Variants in ADGRE1 observed in about 807,000 individuals in gnomAD.
ADGRE1 encodes adhesion G protein-coupled receptor E1.
A neutral mutation model predicts 102.7 loss-of-function variants in ADGRE1; 82 were observed. That is an observed-to-expected ratio of 0.80 (90% CI 0.67 to 0.96). ADGRE1 has a LOEUF of 0.96. Among genes scored for constraint, ADGRE1 ranks in the 40% least tolerant of loss-of-function variants. The pLI, the probability that ADGRE1 is intolerant of heterozygous loss-of-function variation, is 0.00. For missense variants in ADGRE1, 1,032 were observed against 1,085.3 expected, an observed-to-expected ratio of 0.95 and a Z score of 0.69; for synonymous variants, 398 against 399.6, an observed-to-expected ratio of 1.00 and a Z score of 0.05.
At chr19:6,915,220 C>A (rs1974330943) in intron 11 of ADGRE1, among the ~76,000 whole-genome samples, 2 of 151,988 alleles carry the variant, frequency 1.3e-5, no homozygotes, top group Non-Finnish European at 2.9e-5. Flanking sequence ...GTTGCCCACG[C>A]TGGTCTTGAA....
chr19:6,903,726 C>G, intron 6 of ADGRE1, 84 bp from the exon 7 acceptor site: 1 of 1,555,348 alleles, frequency 6.4e-7, no homozygotes, highest in Non-Finnish European at 8.8e-7. Context: ...TCTAGTGAAA[C>G]ATGACTCCAT....
intron 11 of ADGRE1, among the ~76,000 whole-genome samples, chr19:6,915,780 G>T (rs1391169296): frequency 6.6e-6 from 1 of 151,934 alleles, no homozygotes; most frequent in Non-Finnish European, 1.5e-5. Flanking sequence ...AATTAGCTGG[G>T]TGTGGTGGTA....
chr19:6,903,901 A>G lies in ADGRE1; in HGVS notation c.753A>G (p.Ala251=). ...SYFCTCHPGF[A]PSNGQLNFTD... ...TTTGCACCTGCCACCCTGGCTTTGCACCAAGCAATGGACAGTTGAATTTCA... is the reference window on the plus strand; with the variant it reads ...TTTGCACCTGCCACCCTGGCTTTGCGCCAAGCAATGGACAGTTGAATTTCA... The change falls in exon 7 of 21, where the codon GCA becomes GCG. Residue 251 remains alanine (A), a synonymous_variant. Coordinates refer to ENST00000312053, the MANE Select transcript of ADGRE1 (RefSeq NM_001974.5). 1.2e-6 allele frequency: 2 copies of G among 1,614,218 alleles called. No homozygotes were observed. The highest frequency in any genetic ancestry group is 1.7e-6 in the Non-Finnish European group (2 of 1,180,044).
rs1483372562 is a variant in ADGRE1 at position 6,940,068 on chromosome 19, T to C, written c.*39T>C. On this transcript the variant is annotated 3_prime_UTR_variant, in exon 21 of 21. Transcript: ENST00000312053. ...TTTCAAATATGCTATGGAGCCACAG[T>C]TGAGGACAGTAGTTTCCTGCAGGAG... The C allele has an allele frequency of 8.7e-6, 14 of 1,611,002 alleles. No homozygotes were observed. The highest frequency in any genetic ancestry group is 1.2e-5 in the Non-Finnish European group (14 of 1,178,144).
intron 17 of ADGRE1, among the ~76,000 whole-genome samples, chr19:6,930,636 T>C (rs184491217): frequency 2.3e-4 from 35 of 152,180 alleles, no homozygotes; most frequent in African/African-American, 8.2e-4. Context: ...TATTGTTTGG[T>C]TTATTTTTAT....
intron 6 of ADGRE1, 22 bp downstream of exon 6, chr19:6,902,043 G>A: frequency 1.2e-6 from 2 of 1,613,908 alleles, no homozygotes; most frequent in South Asian, 1.1e-5. Context: ...TGTCTTCTGA[G>A]AAGTCAGGTC....
At chr19:6,899,015 C>G (rs550407362) in intron 5 of ADGRE1, among the ~76,000 whole-genome samples, 4 of 152,240 alleles carry the variant, frequency 2.6e-5, no homozygotes, top group Admixed American at 2.6e-4. Flanking sequence ...TTGTTCCTGT[C>G]ACAGTGTTGC....
At chr19:6,931,011 A>G (rs1160196244) in intron 17 of ADGRE1, among the ~76,000 whole-genome samples, 3 of 151,942 alleles carry the variant, frequency 2.0e-5, no homozygotes, top group Non-Finnish European at 4.4e-5. Context: ...AACAAATACT[A>G]GATCTTATTC....
rs200225003 is a variant in ADGRE1 at position 6,916,261 on chromosome 19, A to C, written c.1313A>C (p.Lys438Thr). The C allele has an allele frequency of 1.1e-4, 171 of 1,612,508 alleles. No individual in the cohort carries two copies. The highest frequency in any genetic ancestry group is 1.3e-4 in the Non-Finnish European group (159 of 1,179,166). The change falls in exon 12 of 21, where the codon AAA becomes ACA. Residue 438 changes from lysine (K) to threonine (T), a missense_variant. Physicochemically the swap from Lys to Thr is moderately conservative, Grantham distance 78. Coordinates refer to ENST00000312053, the MANE Select transcript of ADGRE1 (RefSeq NM_001974.5). ...TTTCTCTTTTTAGACATTGAGAGCA[A>C]AGTTATCAACAAAGAATGCAGTGAA... ...VRTEYLDIESKVINKECSEEN... is the reference protein window; with the variant it reads ...VRTEYLDIESTVINKECSEEN...
At chr19:6,937,488 A>G in intron 19 of ADGRE1, 56 bp from the exon 20 acceptor site, 4 of 1,477,800 alleles carry the variant, frequency 2.7e-6, no homozygotes, top group South Asian at 2.3e-5. Context: ...CCTCCACCCA[A>G]CATCCCTGTC....
At chr19:6,908,268 A>G (rs1974041998) in intron 9 of ADGRE1, among the ~76,000 whole-genome samples, 1 of 152,222 alleles carries the variant, frequency 6.6e-6, no homozygotes, top group Non-Finnish European at 1.5e-5. Flanking sequence ...ATCTATAGAA[A>G]CAATGCTTAT....
chr19:6,927,988 G>A (rs1253208946), intron 16 of ADGRE1, among the ~76,000 whole-genome samples, 157 bp from the exon 17 acceptor site: 2 of 152,134 alleles, frequency 1.3e-5, no homozygotes, highest in Non-Finnish European at 2.9e-5. Context: ...GAAGCGCAGT[G>A]ATCTAAAGGA....
chr19:6,910,679 C>T (rs924243460), intron 10 of ADGRE1, among the ~76,000 whole-genome samples: 1 of 145,752 alleles, frequency 6.9e-6, no homozygotes, highest in Non-Finnish European at 1.5e-5. Context: ...TCATGCCATT[C>T]TCCTGCCTCA....
At chr19:6,919,820 C>T (rs1974566252) in intron 13 of ADGRE1, 73 bp downstream of exon 13, 1 of 1,472,266 alleles carries the variant, frequency 6.8e-7, no homozygotes, top group South Asian at 1.2e-5. Flanking sequence ...TGCCTTAACT[C>T]TCATTTTTTA....
chr19:6,927,744 C>T (rs990519212), intron 16 of ADGRE1, among the ~76,000 whole-genome samples: 3 of 152,072 alleles, frequency 2.0e-5, no homozygotes, highest in Non-Finnish European at 2.9e-5. Context: ...TCACTGCAAC[C>T]TCCACCTCCT....
intron 12 of ADGRE1, among the ~76,000 whole-genome samples, chr19:6,919,222 G>C (rs927205035): frequency 6.6e-6 from 1 of 151,832 alleles, no homozygotes; most frequent in Admixed American, 6.6e-5. Context: ...TAGTAGAAAC[G>C]GGGTTTCACC....
intron 15 of ADGRE1, among the ~76,000 whole-genome samples, chr19:6,926,144 T>C (rs1974895779): frequency 6.6e-6 from 1 of 152,254 alleles, no homozygotes; most frequent in South Asian, 2.1e-4. Context: ...GTCATGCGTC[T>C]TGGGAAATCT....
chr19:6,906,252 TGTA>T (rs1400227163), intron 8 of ADGRE1, among the ~76,000 whole-genome samples, 178 bp from the exon 9 acceptor site: 1 of 152,202 alleles, frequency 6.6e-6, no homozygotes, highest in Non-Finnish European at 1.5e-5. Context: ...AATTGTGTGT[TGTA>T]GTAAACACGT....
At chr19:6,926,976 C>T (rs1374667142) in intron 16 of ADGRE1, among the ~76,000 whole-genome samples, 1 of 151,690 alleles carries the variant, frequency 6.6e-6, no homozygotes, top group Admixed American at 6.6e-5. Context: ...GAAGAATCAC[C>T]TGAACCCGGG....
Sources: gnomAD v4.1 joint callset for allele counts (sites outside exome capture counted in the v4.1 genomes callset) on GRCh38, gnomAD v4.1.1 for gene constraint, MANE v1.5 for transcripts, NCBI Gene and HGNC (gene_info 2026-07-23, HGNC 2026-07-21) for gene names.